ZNF165: variants seen among roughly 807,000 people sequenced by gnomAD.
ZNF165 encodes the protein zinc finger protein 165.
In ZNF165, 14 loss-of-function variants were observed where a neutral mutation model predicts 19.6. The observed-to-expected ratio is 0.71, with a 90% CI of 0.47 to 1.12. The LOEUF is 1.12. Ranked by LOEUF, ZNF165 falls within the 50% of genes most tolerant of loss-of-function variation. The pLI, the probability that ZNF165 is intolerant of heterozygous loss-of-function variation, is 0.00. For synonymous variants in ZNF165, 165 were observed against 195.0 expected (o/e 0.85, Z 1.28); for missense variants, 504 against 566.3 (o/e 0.89, Z 1.12).
intron 3 of ZNF165, among the ~76,000 whole-genome samples, chr6:28,087,430 G>C (rs1190149339): frequency 6.6e-6 from 1 of 152,156 alleles, no homozygotes; most frequent in Non-Finnish European, 1.5e-5. Flanking sequence ...ATTTTTAGTA[G>C]AGACGGGGTT....
chr6:28,086,819 C>G (rs1450007531), intron 3 of ZNF165, among the ~76,000 whole-genome samples: 1 of 151,748 alleles, frequency 6.6e-6, no homozygotes, highest in African/African-American at 2.4e-5. Flanking sequence ...AAACACAGAA[C>G]ATTTTTATGA....
In ZNF165 at chr6:28,089,367, G is replaced by C; in HGVS notation, c.1355G>C (p.Gly452Ala). The C allele has an allele frequency of 6.2e-7, 1 of 1,614,166 alleles. No individual in the cohort carries two copies. The highest frequency in any genetic ancestry group is 8.5e-7 in the Non-Finnish European group (1 of 1,180,022). Residue 452 changes from glycine to alanine, a missense_variant, in exon 4 of 4, where the codon GGA becomes GCA. Coordinates refer to ENST00000683778, the MANE Select transcript of ZNF165 (RefSeq NM_001376491.1). ...ATTCGACACTTTAGAATTCACACTG[G>C]AGAAAAACCCTATGAATGCAGTGAG... ...HLIRHFRIHT[G>A]EKPYECSECG...
Position 28,089,297 on chromosome 6 carries a change from G to A in ZNF165, c.1285G>A (p.Glu429Lys), listed in dbSNP as rs570042856. 2.9e-5 allele frequency: 47 copies of A among 1,614,134 alleles called. No individual in the cohort carries two copies. In the Middle Eastern group the frequency reaches 4.9e-4, roughly 17 times the overall value. ...QRIHTREKPY[E>K]CSECGKTFRV... ...AATTCACACCAGAGAGAAACCCTAC[G>A]AGTGTAGTGAATGTGGGAAAACCTT... The change falls in exon 4 of 4, where the codon GAG becomes AAG. Residue 429 changes from glutamate to lysine, a missense_variant. Coordinates refer to ENST00000683778, the MANE Select transcript of ZNF165 (RefSeq NM_001376491.1).
intron 1 of ZNF165, chr6:28,081,567 T>C (rs1764154401): frequency 1.3e-5 from 2 of 152,038 alleles, no homozygotes; most frequent in Non-Finnish European, 2.9e-5. Flanking sequence ...CCCCTTGAAG[T>C]CTCTGTTCTG....
chr6:28,083,852 C>T (rs979056604), intron 1 of ZNF165, among the ~76,000 whole-genome samples: 1 of 152,226 alleles, frequency 6.6e-6, no homozygotes, highest in Non-Finnish European at 1.5e-5. Flanking sequence ...TTAGAACATT[C>T]AGTATCTCCA....
At chr6:28,086,591 C>T (rs1414664638) in intron 3 of ZNF165, among the ~76,000 whole-genome samples, 1 of 152,130 alleles carries the variant, frequency 6.6e-6, no homozygotes, top group Non-Finnish European at 1.5e-5. Flanking sequence ...CACCTGTAGT[C>T]CCAGCTACTC....
chr6:28,081,088 A>C (rs1363533849), intron 1 of ZNF165, 118 bp downstream of exon 1: 2 of 152,334 alleles, frequency 1.3e-5, no homozygotes, highest in East Asian at 3.9e-4. Flanking sequence ...TGGCCCTCAG[A>C]GGAATCCCGG....
At position 28,085,532 on chromosome 6, in the gene ZNF165, G is replaced by T. The variant is rs1394693486; in HGVS notation, c.52G>T (p.Gly18Ter). 1 of 1,614,120 alleles carries T rather than the reference G, an allele frequency of 6.2e-7. No individual in the cohort carries two copies. The highest frequency in any genetic ancestry group is 1.3e-5 in the African/African-American group (1 of 74,946). The change falls in exon 2 of 4, where the codon GGA becomes TGA. Residue 18 changes from glycine (G) to a stop codon, truncating the protein, a stop_gained. Coordinates refer to ENST00000683778, the MANE Select transcript of ZNF165 (RefSeq NM_001376491.1). LOFTEE classifies it high-confidence loss of function. Reference sequence around the variant, plus strand: ...AGCCCAGAACTCTCCAGAGGATGAAGGACTTCTGATAGTGAAGATAGAAGA... The same window carrying T: ...AGCCCAGAACTCTCCAGAGGATGAATGACTTCTGATAGTGAAGATAGAAGA... ...AAAQNSPEDEGLLIVKIEEEE... is the reference protein window; with the variant it reads ...AAAQNSPEDE
intron 3 of ZNF165, 22 bp downstream of exon 3, chr6:28,086,332 A>C: frequency 6.3e-7 from 1 of 1,597,452 alleles, no homozygotes. Flanking sequence ...AATGCCATAT[A>C]GTGCACATCA....
rs1561799110 is a variant in ZNF165 at position 28,089,295 on chromosome 6, A to C, written c.1283A>C (p.Tyr428Ser). The C allele has an allele frequency of 6.2e-7, 1 of 1,614,162 alleles. No homozygotes were observed. The highest frequency in any genetic ancestry group is 8.5e-7 in the Non-Finnish European group (1 of 1,180,008). The change falls in exon 4 of 4, where the codon TAC becomes TCC. Residue 428 changes from tyrosine (Y) to serine (S), a missense_variant. Physicochemically the swap from Tyr to Ser is moderately radical, Grantham distance 144 (BLOSUM62 -2). Coordinates refer to ENST00000683778, the MANE Select transcript of ZNF165 (RefSeq NM_001376491.1). ...AGAATTCACACCAGAGAGAAACCCT[A>C]CGAGTGTAGTGAATGTGGGAAAACC... ...HQRIHTREKP[Y>S]ECSECGKTFR...
chr6:28,083,998 A>T (rs780717488), intron 1 of ZNF165, among the ~76,000 whole-genome samples: 6 of 152,158 alleles, frequency 3.9e-5, no homozygotes, highest in Non-Finnish European at 8.8e-5. Flanking sequence ...CTTCCCACTG[A>T]ATTTATTTCT....
rs1764263240 is a variant in ZNF165, at chr6:28,085,883, G to C, written c.403G>C (p.Val135Leu). The change falls in exon 2 of 4, where the codon GTA becomes CTA. Residue 135 changes from valine to leucine, a missense_variant. Coordinates refer to ENST00000683778, the MANE Select transcript of ZNF165 (RefSeq NM_001376491.1). ...TTTGGAGAGAGGCACTGATGAAGCAGTACTCCAGGTGCACAGGGGATGGGA... is the reference window on the plus strand; with the variant it reads ...TTTGGAGAGAGGCACTGATGAAGCACTACTCCAGGTGCACAGGGGATGGGA... ...EDLERGTDEAVLQVQAHEHGQ... is the reference protein window; with the variant it reads ...EDLERGTDEALLQVQAHEHGQ... The C allele has an allele frequency of 1.2e-6, 2 of 1,609,630 alleles. No homozygotes were observed. Among genetic ancestry groups the C allele is most frequent in the Non-Finnish European group, 8.5e-7 (1 of 1,179,952 alleles).
rs748733106 is a variant in ZNF165, at chr6:28,088,813, T to C, written c.801T>C (p.Gly267=). 1 of 1,613,928 alleles carries C rather than the reference T, an allele frequency of 6.2e-7. No individual in the cohort carries two copies. Among genetic ancestry groups the C allele is most frequent in the Non-Finnish European group, 8.5e-7 (1 of 1,179,998 alleles). The change falls in exon 4 of 4, where the codon GGT becomes GGC. Residue 267 remains glycine, a synonymous_variant. Coordinates refer to ENST00000683778, the MANE Select transcript of ZNF165 (RefSeq NM_001376491.1). ...TCACCCACAAAAATACAGTCAGAGG[T>C]GAAATAATAAGCCACGATGGATGTG... ...KILTHKNTVR[G]EIISHDGCER...
In ZNF165 at chr6:28,088,899, C is replaced by T. The variant is rs758863042; in HGVS notation, c.887C>T (p.Thr296Ile). ...CACCAGAAATCTTGTAAACATGGTA[C>T]CTGTGACCAGAGCTTCAAATGGAAC... ...FTHQKSCKHG[T>I]CDQSFKWNSD... The change falls in exon 4 of 4, where the codon ACC (threonine) becomes ATC (isoleucine). Residue 296 changes from threonine to isoleucine, a missense_variant. By Grantham distance (89) the Thr-to-Ile change is moderately conservative (BLOSUM62 -1). Coordinates refer to ENST00000683778, the MANE Select transcript of ZNF165 (RefSeq NM_001376491.1). 1.9e-6 allele frequency: 3 copies of T among 1,613,974 alleles called. No individual in the cohort carries two copies. In the African/African-American group the frequency reaches 4.0e-5, roughly 22 times the overall value.
intron 3 of ZNF165, among the ~76,000 whole-genome samples, chr6:28,087,217 AC>A (rs1194851936): frequency 2.6e-5 from 4 of 152,122 alleles, no homozygotes; most frequent in African/African-American, 9.7e-5. Flanking sequence ...AGAATAACTT[AC>A]CGTTAATTTT....
intron 1 of ZNF165, among the ~76,000 whole-genome samples, chr6:28,082,345 G>A (rs915352327): frequency 6.6e-6 from 1 of 152,146 alleles, no homozygotes; most frequent in African/African-American, 2.4e-5. Context: ...TAACCCAGTG[G>A]CGCTAGAGGA....
chr6:28,087,862 A>G (rs1247583867), intron 3 of ZNF165, among the ~76,000 whole-genome samples: 1 of 152,228 alleles, frequency 6.6e-6, no homozygotes, highest in Admixed American at 6.5e-5. Context: ...AAAGGATGGC[A>G]GTGTTTAATG....
rs1347674762 is a variant in ZNF165, at chr6:28,085,729, T to C, written c.249T>C (p.His83=). The C allele has an allele frequency of 6.2e-7, 1 of 1,613,884 alleles. No homozygotes were observed. The highest frequency in any genetic ancestry group is 1.3e-5 in the African/African-American group (1 of 75,052). Residue 83 remains histidine, a synonymous_variant, in exon 2 of 4, where the codon CAT becomes CAC. Coordinates refer to ENST00000683778, the MANE Select transcript of ZNF165 (RefSeq NM_001376491.1). The part of the protein sequence containing the change: ...LCCQWLKPEI[H]TKEQILELLV... ...GTCAGTGGCTGAAGCCAGAGATCCA[T>C]ACCAAGGAACAGATTCTGGAACTGC...
intron 1 of ZNF165, among the ~76,000 whole-genome samples, 197 bp from the exon 2 acceptor site, chr6:28,085,284 T>A (rs1397199860): frequency 2.0e-5 from 3 of 152,214 alleles, no homozygotes; most frequent in African/African-American, 7.2e-5. Context: ...ACAGTTGTAT[T>A]CTAGAAACCA....
Sources: allele counts gnomAD v4.1 joint callset (sites outside exome capture counted in the v4.1 genomes callset), GRCh38; gene constraint gnomAD v4.1.1; transcripts MANE v1.5; gene names NCBI Gene and HGNC (gene_info 2026-07-23, HGNC 2026-07-21).